Variants in ASAP1 observed in about 807,000 individuals in gnomAD.
ASAP1 encodes the protein arf-GAP with SH3 domain, ANK repeat and PH domain-containing protein 1.
In ASAP1, 43 loss-of-function variants were observed where a neutral mutation model predicts 145.2. That is an observed-to-expected ratio of 0.30 (90% CI 0.23 to 0.38). ASAP1 has a LOEUF of 0.38. ASAP1 is among the 10% of genes least tolerant of loss of function. The pLI, the probability that ASAP1 is intolerant of heterozygous loss-of-function variation, is 1.00. For missense variants in ASAP1, 1,018 were observed against 1,355.3 expected (o/e 0.75, Z 3.91); for synonymous variants, 546 against 515.5 (o/e 1.06, Z -0.80).
Position 130,244,945 on chromosome 8 carries a change from G to C in ASAP1, c.187-7951C>G, listed in dbSNP as rs548675394. Among the ~76,000 whole-genome samples the C allele has an allele frequency of 3.3e-5, 5 of 152,210 alleles. No individual in the cohort carries two copies. In the East Asian group the frequency reaches 7.7e-4, roughly 24 times the overall value. ...GGCAGAGAGAAGCAGAACAGAAATA[G>C]GAACTCCAATTACAGCAGTTTGAGG... On this transcript the variant is annotated intron_variant, in intron 3 of 29. Coordinates refer to ENST00000518721, the MANE Select transcript of ASAP1 (RefSeq NM_018482.4).
At chr8:130,093,446 C>G (rs2097510007) in intron 24 of ASAP1, among the ~76,000 whole-genome samples, 1 of 152,072 alleles carries the variant, frequency 6.6e-6, no homozygotes, top group African/African-American at 2.4e-5. Flanking sequence ...GTGGGCAGAT[C>G]ACTTGAGGTC....
In ASAP1 at chr8:130,235,006, G is replaced by A. The variant is rs183186909; in HGVS notation, c.259+1916C>T. Among the ~76,000 whole-genome samples, 6 of 152,246 alleles carry A rather than the reference G, an allele frequency of 3.9e-5. No homozygotes were observed. The East Asian group carries it at 1.2e-3, about 29-fold the overall frequency. On this transcript the variant is annotated intron_variant, in intron 4 of 29. Coordinates refer to ENST00000518721, the MANE Select transcript of ASAP1 (RefSeq NM_018482.4). ...GGCAGGCAGTGTATTAGGGGCCTTA[G>A]ATGGTCTCTCCTTTTGTCCATACAA...
intron 17 of ASAP1, among the ~76,000 whole-genome samples, chr8:130,124,933 G>T (rs1176465666): frequency 6.6e-6 from 1 of 152,144 alleles, no homozygotes; most frequent in African/African-American, 2.4e-5. Flanking sequence ...CTAGGGAGCC[G>T]AGTATCAGCA....
intron 3 of ASAP1, among the ~76,000 whole-genome samples, chr8:130,328,377 T>C (rs1221020154): frequency 6.6e-6 from 1 of 152,230 alleles, no homozygotes; most frequent in Non-Finnish European, 1.5e-5. Context: ...ACCTTTATAC[T>C]ACTTTTGTTA....
chr8:130,058,046 T>C lies in ASAP1; in HGVS notation c.3223A>G (p.Ile1075Val), dbSNP rs1019604779. The C allele has an allele frequency of 6.2e-7, 1 of 1,614,202 alleles. No homozygotes were observed. Among genetic ancestry groups the C allele is most frequent in the Admixed American group, 1.7e-5 (1 of 60,036 alleles). Residue 1075 changes from isoleucine (I) to valine (V), a missense_variant, in exon 29 of 30, where the codon ATT becomes GTT. Transcript: ENST00000518721. ...GKNKVRRVKT[I>V]YDCQADNDDE... ...TCGTTGTCTGCCTGGCAGTCATAAA[T>C]GGTCTTCACTCGCCTCACTTTATTT...
At chr8:130,224,945 C>A (rs112959173) in intron 4 of ASAP1, among the ~76,000 whole-genome samples, 2 of 152,188 alleles carry the variant, frequency 1.3e-5, no homozygotes, top group Non-Finnish European at 2.9e-5. Flanking sequence ...ACATTCCCAA[C>A]AGCAATGCAC....
chr8:130,408,007 A>G (rs1829109526), intron 1 of ASAP1, among the ~76,000 whole-genome samples: 1 of 152,196 alleles, frequency 6.6e-6, no homozygotes, highest in African/African-American at 2.4e-5. Flanking sequence ...CCTAAAGAAA[A>G]TAGACCAAAT....
chr8:130,144,487 ATCTCT>A (rs1211567005), intron 13 of ASAP1, among the ~76,000 whole-genome samples: 1 of 152,176 alleles, frequency 6.6e-6, no homozygotes, highest in Non-Finnish European at 1.5e-5. Context: ...TTCTGAACAA[ATCTCT>A]TCTCACTTAT....
At chr8:130,207,671 A>C (rs1015484947) in intron 5 of ASAP1, among the ~76,000 whole-genome samples, 8 of 152,354 alleles carry the variant, frequency 5.3e-5, no homozygotes, top group Admixed American at 5.2e-4. Flanking sequence ...TAAAAATCAA[A>C]ACCCATGCAC....
At chr8:130,123,978 G>C (rs2097570820) in intron 18 of ASAP1, 35 bp downstream of exon 18, 1 of 1,457,992 alleles carries the variant, frequency 6.9e-7, no homozygotes, top group East Asian at 2.3e-5. Flanking sequence ...ATTATAGAAT[G>C]GTTTAAAAAA....
intron 1 of ASAP1, among the ~76,000 whole-genome samples, chr8:130,426,709 T>A (rs1565307037): frequency 6.6e-6 from 1 of 152,206 alleles, no homozygotes; most frequent in Non-Finnish European, 1.5e-5. Flanking sequence ...GTGTGCTCAC[T>A]CCCTCAGCTC....
intron 4 of ASAP1, among the ~76,000 whole-genome samples, chr8:130,223,686 A>G (rs1817426150): frequency 6.6e-6 from 1 of 152,050 alleles, no homozygotes; most frequent in African/African-American, 2.4e-5. Flanking sequence ...TGCCTCATCT[A>G]GTATCTGGTA....
At chr8:130,395,908 C>T (rs10087626) in intron 2 of ASAP1, among the ~76,000 whole-genome samples, 29,470 of 152,040 alleles carry the variant, frequency 0.19, 3,082 homozygotes, top group Non-Finnish European at 0.23. Context: ...TTAGGTAATC[C>T]GCCCGCCTCC....
intron 9 of ASAP1, among the ~76,000 whole-genome samples, chr8:130,174,620 G>T (rs1249045556): frequency 6.6e-6 from 1 of 152,144 alleles, no homozygotes; most frequent in Non-Finnish European, 1.5e-5. Context: ...TCTGGGGAGG[G>T]CAGAGGGGCT....
intron 13 of ASAP1, among the ~76,000 whole-genome samples, chr8:130,141,709 G>C (rs1383596609): frequency 6.6e-6 from 1 of 152,034 alleles, no homozygotes; most frequent in Non-Finnish European, 1.5e-5. Context: ...ACCACACGAG[G>C]CTAATTTTAA....
At chr8:130,287,700 A>G (rs1188958489) in intron 3 of ASAP1, among the ~76,000 whole-genome samples, 1 of 152,180 alleles carries the variant, frequency 6.6e-6, no homozygotes, top group Non-Finnish European at 1.5e-5. Flanking sequence ...TTGGGTGCAA[A>G]CTATCAGACA....
chr8:130,196,889 C>T (rs1411912518), intron 5 of ASAP1, among the ~76,000 whole-genome samples: 2 of 152,128 alleles, frequency 1.3e-5, no homozygotes, highest in East Asian at 3.8e-4. Context: ...GTTATAATAC[C>T]TTGAAGCTAT....
At chr8:130,126,685 T>C (rs2097575479) in intron 16 of ASAP1, among the ~76,000 whole-genome samples, 1 of 152,220 alleles carries the variant, frequency 6.6e-6, no homozygotes, top group Non-Finnish European at 1.5e-5. Context: ...TCTTCCTGAC[T>C]GGTCAATGCT....
chr8:130,262,028 T>C (rs1206304418), intron 3 of ASAP1, among the ~76,000 whole-genome samples: 2 of 152,100 alleles, frequency 1.3e-5, no homozygotes, highest in African/African-American at 4.8e-5. Context: ...AATACTTTTT[T>C]CACTTGCTAA....
Sources: gnomAD v4.1 joint callset for allele counts (sites outside exome capture counted in the v4.1 genomes callset) on GRCh38, gnomAD v4.1.1 for gene constraint, MANE v1.5 for transcripts, NCBI Gene and HGNC (gene_info 2026-07-23, HGNC 2026-07-21) for gene names.